The following HAUS1 variants were observed in gnomAD, a reference collection of about 807,000 sequenced individuals.
The protein encoded by HAUS1 is HAUS augmin-like complex subunit 1.
In HAUS1, 25 loss-of-function variants were observed where a neutral mutation model predicts 38.6. The ratio of observed to expected loss-of-function variants is 0.65; its 90% CI spans 0.47 to 0.91. HAUS1 has a LOEUF of 0.91. Ranked by LOEUF, HAUS1 falls within the 40% of genes least tolerant of loss-of-function variation. The probability of loss-of-function intolerance (pLI) is 0.00; values close to 1 mark genes in which losing one functional copy is unlikely to be tolerated. For synonymous variants in HAUS1, 109 were observed against 112.9 expected, an observed-to-expected ratio of 0.97 and a Z score of 0.22; for missense variants, 325 against 328.4, an observed-to-expected ratio of 0.99 and a Z score of 0.08.
chr18:46,118,427 C>A (rs1911852686), intron 3 of HAUS1, 111 bp downstream of exon 3: 8 of 976,186 alleles, frequency 8.2e-6, no homozygotes, highest in Non-Finnish European at 1.2e-5. Context: ...ATACAAAGCA[C>A]TGAATTTAGT....
At chr18:46,122,435 GAAGAAA>G in intron 4 of HAUS1, 26 bp from the exon 5 acceptor site, 1 of 1,605,314 alleles carries the variant, frequency 6.2e-7, no homozygotes, top group Non-Finnish European at 8.5e-7. Flanking sequence ...AGAAGAAGAA[GAAGAAA>G]ATGTTTTTAA....
rs1599821206 is a variant in HAUS1 at position 46,128,174 on chromosome 18, A to T, written c.*49A>T. 8.3e-7 allele frequency: 1 copy of T among 1,204,220 alleles called. No individual in the cohort carries two copies. Among genetic ancestry groups the T allele is most frequent in the East Asian group, 2.4e-5 (1 of 41,610 alleles). 74.6% of individuals were successfully genotyped at this position (1,204,220 alleles called of 1,614,324 possible). On this transcript the variant is annotated 3_prime_UTR_variant, in exon 9 of 9. Coordinates refer to ENST00000282058, the MANE Select transcript of HAUS1 (RefSeq NM_138443.4). ...TCCCTAACAAAGTAAATTGAATAGG[A>T]CTTTACAGAGTTCTTTTTCCTCTTG...
intron 3 of HAUS1, among the ~76,000 whole-genome samples, chr18:46,119,077 G>A (rs2144259346): frequency 6.6e-6 from 1 of 152,116 alleles, no homozygotes; most frequent in Admixed American, 6.6e-5. Flanking sequence ...CACCATGCTG[G>A]CCAGGCTGGT....
chr18:46,114,799 G>A (rs1479246335), intron 2 of HAUS1, among the ~76,000 whole-genome samples: 1 of 152,172 alleles, frequency 6.6e-6, no homozygotes, highest in Non-Finnish European at 1.5e-5. Flanking sequence ...AGGGAGGAGG[G>A]AGGGAGGAGT....
chr18:46,105,865 GCC>G (rs1911460229), intron 2 of HAUS1, among the ~76,000 whole-genome samples: 1 of 152,136 alleles, frequency 6.6e-6, no homozygotes, highest in African/African-American at 2.4e-5. Context: ...AGAGGCATGA[GCC>G]ACCCTGCCTG....
rs1911924794 is a variant in HAUS1, at chr18:46,121,019, T to C, written c.476+959T>C. ...AGCTAGGGTATCCCTCTTATGATACTTTAGGCCTTTTTCTGTTCCTTTTTG... is the reference window on the plus strand; with the variant it reads ...AGCTAGGGTATCCCTCTTATGATACCTTAGGCCTTTTTCTGTTCCTTTTTG... On this transcript the variant is annotated intron_variant, in intron 4 of 8. Coordinates refer to ENST00000282058, the MANE Select transcript of HAUS1 (RefSeq NM_138443.4). 1.3e-5 allele frequency among the ~76,000 whole-genome samples: 2 copies of C among 152,260 alleles called. 1 individual carries two copies. The highest frequency in any genetic ancestry group is 4.1e-4 in the South Asian group (2 of 4,838).
At chr18:46,118,030 G>C in intron 2 of HAUS1, 151 bp from the exon 3 acceptor site, 1 of 639,354 alleles carries the variant, frequency 1.6e-6, no homozygotes, top group Non-Finnish European at 2.8e-6. Flanking sequence ...TTAAGAATAG[G>C]TTGTACTGAT....
intron 4 of HAUS1, chr18:46,121,685 G>C (rs532586470): frequency 6.6e-6 from 1 of 151,748 alleles, no homozygotes; most frequent in Non-Finnish European, 1.5e-5. Context: ...TCTCTGTGTC[G>C]TTCTAATTTT....
chr18:46,123,297 A>G lies in HAUS1; in HGVS notation c.601-2A>G. ...CTGAACTCCTTTTTTTGGTAATTGT[A>G]GGAGCAACTTTCAGCCAGAGGCATG... On this transcript the variant is annotated splice_acceptor_variant, in intron 5 of 8. Transcript: ENST00000282058. LOFTEE classifies it high-confidence loss of function. The G allele has an allele frequency of 6.2e-7, 1 of 1,604,696 alleles. No individual in the cohort carries two copies. The highest frequency in any genetic ancestry group is 8.5e-7 in the Non-Finnish European group (1 of 1,173,126).
At chr18:46,126,801 TTTTATTTA>T (rs34199777) in intron 8 of HAUS1, 5,333 of 138,112 alleles carry the variant, frequency 0.039, 122 homozygotes, top group Admixed American at 0.051. Context: ...ATTTTTGCAT[TTTTATTTA>T]TTTATTTATT....
intron 1 of HAUS1, among the ~76,000 whole-genome samples, chr18:46,104,714 T>C (rs189773559): frequency 5.6e-4 from 85 of 152,204 alleles, no homozygotes; most frequent in African/African-American, 1.4e-3. Flanking sequence ...GTGGGACTTA[T>C]GAAGCCAAAC....
intron 2 of HAUS1, among the ~76,000 whole-genome samples, chr18:46,105,869 C>T (rs531386512): frequency 1.4e-4 from 22 of 152,224 alleles, no homozygotes; most frequent in African/African-American, 5.3e-4. Context: ...GCATGAGCCA[C>T]CCTGCCTGGC....
chr18:46,118,074 A>G (rs1168314185), intron 2 of HAUS1, 107 bp from the exon 3 acceptor site: 1 of 1,030,052 alleles, frequency 9.7e-7, no homozygotes, highest in African/African-American at 1.6e-5. Flanking sequence ...AATTACATAC[A>G]TACCTTAGGT....
At chr18:46,125,123 A>G (rs1912063296) in intron 7 of HAUS1, among the ~76,000 whole-genome samples, 1 of 151,408 alleles carries the variant, frequency 6.6e-6, no homozygotes, top group East Asian at 2.0e-4. Context: ...AGCTGGACCC[A>G]GTGGTGCGCA....
chr18:46,110,111 G>C (rs1911578912), intron 2 of HAUS1, among the ~76,000 whole-genome samples: 1 of 148,292 alleles, frequency 6.7e-6, no homozygotes, highest in Admixed American at 6.7e-5. Context: ...GCTAGCAACA[G>C]ATTCTCTGTG....
intron 2 of HAUS1, among the ~76,000 whole-genome samples, chr18:46,105,592 G>GTGTGTATA (rs796714516): frequency 6.9e-6 from 1 of 144,936 alleles, no homozygotes; most frequent in African/African-American, 2.6e-5. Flanking sequence ...GTGTGTGTGT[G>GTGTGTATA]TATATATTTT....
intron 3 of HAUS1, among the ~76,000 whole-genome samples, chr18:46,119,478 A>G (rs1228805284): frequency 1.3e-5 from 2 of 152,016 alleles, no homozygotes; most frequent in Non-Finnish European, 2.9e-5. Flanking sequence ...CTTACATACT[A>G]TCATACAACT....
chr18:46,114,103 G>T (rs1911743286), intron 2 of HAUS1, among the ~76,000 whole-genome samples: 1 of 152,204 alleles, frequency 6.6e-6, no homozygotes, highest in African/African-American at 2.4e-5. Flanking sequence ...TAGAGGAATA[G>T]TTTCTGAGGT....
At chr18:46,118,155 A>G in intron 2 of HAUS1, 26 bp from the exon 3 acceptor site, 1 of 1,607,098 alleles carries the variant, frequency 6.2e-7, no homozygotes, top group Non-Finnish European at 8.5e-7. Context: ...GCAAACAGTC[A>G]CTATGGAACT....
Sources: allele counts gnomAD v4.1 joint callset (sites outside exome capture counted in the v4.1 genomes callset), GRCh38; gene constraint gnomAD v4.1.1; transcripts MANE v1.5; gene names NCBI Gene and HGNC (gene_info 2026-07-23, HGNC 2026-07-21).